Variants in EPCAM observed in about 807,000 individuals in gnomAD.
EPCAM encodes epithelial cell adhesion molecule.
EPCAM carries 39 observed loss-of-function variants against 40.0 expected under a neutral mutation model. That is an observed-to-expected ratio of 0.98 (90% CI 0.76 to 1.27). The LOEUF (loss-of-function observed/expected upper bound fraction) is 1.27. Among genes scored for constraint, EPCAM ranks in the 50% most tolerant of loss-of-function variants. EPCAM has a pLI of 0.00. For missense variants in EPCAM, 503 were observed against 381.2 expected (o/e 1.32, Z -2.66); for synonymous variants, 168 against 132.3 (o/e 1.27, Z -1.85).
At chr2:47,371,215 T>G (rs1017705198) in intron 1 of EPCAM, among the ~76,000 whole-genome samples, 1 of 152,192 alleles carries the variant, frequency 6.6e-6, no homozygotes, top group Non-Finnish European at 1.5e-5. Context: ...GTAGTTTGAT[T>G]TCAGTTTCTC....
chr2:47,379,000 A>G lies in EPCAM; in HGVS notation c.603A>G (p.Gln201=), dbSNP rs730882126. ...ITIDLVQNSS[Q]KTQNDVDIAD... is the part of the protein sequence containing the mutation. ...TTGATCTGGTTCAAAATTCTTCTCA[A>G]AAAACTCAGAATGATGTGGACATAG... is the stretch of plus-strand genomic sequence containing the variant. The change falls in exon 6 of 9, where the codon CAA becomes CAG. Residue 201 remains glutamine (Q), a synonymous_variant. Coordinates refer to ENST00000263735, the MANE Select transcript of EPCAM (RefSeq NM_002354.3). 5 of 1,606,006 alleles carry G rather than the reference A, an allele frequency of 3.1e-6. No individual in the cohort carries two copies. The highest frequency in any genetic ancestry group is 3.4e-6 in the Non-Finnish European group (4 of 1,172,732).
At position 47,375,268 on chromosome 2, in the gene EPCAM, G is replaced by C. The variant is rs1423442415; in HGVS notation, c.460G>C (p.Glu154Gln). The C allele has an allele frequency of 1.2e-5, 19 of 1,612,390 alleles. No individual in the cohort carries two copies. The highest frequency in any genetic ancestry group is 1.5e-5 in the Non-Finnish European group (18 of 1,178,698). ...CATTGAACTAAAACACAAAGCAAGAGAAAAACCTTATGATAGTAAAAGTTT... is the reference window on the plus strand; with the variant it reads ...CATTGAACTAAAACACAAAGCAAGACAAAAACCTTATGATAGTAAAAGTTT... ...IIIELKHKAR[E>Q]KPYDSKSLRT... Residue 154 changes from glutamate to glutamine, a missense_variant, in exon 4 of 9, where the codon GAA (glutamate) becomes CAA (glutamine). Glu to Gln is a conservative substitution (Grantham distance 29). Transcript: ENST00000263735.
At chr2:47,376,157 CCTTT>C (rs1352566724) in intron 4 of EPCAM, among the ~76,000 whole-genome samples, 3 of 151,698 alleles carry the variant, frequency 2.0e-5, no homozygotes, top group Admixed American at 6.6e-5. Context: ...AGTTTCTTGG[CCTTT>C]CTTTGTCTTC....
intron 1 of EPCAM, among the ~76,000 whole-genome samples, chr2:47,369,994 G>A (rs1671207534): frequency 6.6e-6 from 1 of 152,200 alleles, no homozygotes; most frequent in Non-Finnish European, 1.5e-5. Flanking sequence ...GGGACCAGCG[G>A]GCTCGCCCTT....
intron 7 of EPCAM, chr2:47,383,214 G>C (rs1347203901): frequency 1.3e-5 from 2 of 151,698 alleles, no homozygotes; most frequent in South Asian, 4.2e-4. Flanking sequence ...GCTGAGGCAG[G>C]AGAATGGCGT....
chr2:47,369,961 C>T (rs1307804076), intron 1 of EPCAM, among the ~76,000 whole-genome samples: 2 of 152,354 alleles, frequency 1.3e-5, no homozygotes, highest in Middle Eastern at 3.4e-3. Flanking sequence ...ACAGCCCCAG[C>T]CGGTGGCGGA....
chr2:47,371,054 A>G (rs1415768218), intron 1 of EPCAM, among the ~76,000 whole-genome samples: 1 of 152,108 alleles, frequency 6.6e-6, no homozygotes, highest in Admixed American at 6.6e-5. Context: ...TATGTTGCCC[A>G]GGCTGGTCTC....
chr2:47,385,008 A>T (rs574332911), intron 7 of EPCAM, among the ~76,000 whole-genome samples, 158 bp from the exon 8 acceptor site: 1 of 152,328 alleles, frequency 6.6e-6, no homozygotes, highest in South Asian at 2.1e-4. Flanking sequence ...CACTGGTGTG[A>T]AATTTTTAAT....
At position 47,386,730 on chromosome 2, in the gene EPCAM, A is replaced by G. The variant is rs551044912; in HGVS notation, c.*117A>G. ...CATGAGTTTGTTAGTTTAACATCAT[A>G]TATTTGTAATAGTGAAACCTGTACT... On this transcript the variant is annotated 3_prime_UTR_variant, in exon 9 of 9. Transcript: ENST00000263735. 7.5e-6 allele frequency: 6 copies of G among 804,900 alleles called. No homozygotes were observed. Among genetic ancestry groups the G allele is most frequent in the South Asian group, 4.8e-5 (3 of 62,244 alleles). The allele number at this position is 804,900 out of a possible 1,614,324, so 49.9% of individuals were successfully genotyped here.
intron 1 of EPCAM, chr2:47,369,946 C>T (rs1402052994): frequency 1.0e-5 from 4 of 381,158 alleles, no homozygotes; most frequent in East Asian, 5.9e-5. Context: ...ACTTGGGGTT[C>T]CAAAACAGCC....
In EPCAM at chr2:47,373,573, G is replaced by A. The variant is rs376841971; in HGVS notation, c.184+3G>A. 2.2e-5 allele frequency: 35 copies of A among 1,597,190 alleles called. No homozygotes were observed. The South Asian group carries it at 3.0e-4, about 14-fold the overall frequency. ...AAATACTGTCATTTGCTCAAAGCGT[G>A]AGTAAAATATCCTAATTACCTGTAA... On this transcript the variant is annotated splice_donor_region_variant and intron_variant, in intron 2 of 8. Coordinates refer to ENST00000263735, the MANE Select transcript of EPCAM (RefSeq NM_002354.3).
intron 3 of EPCAM, among the ~76,000 whole-genome samples, 183 bp from the exon 4 acceptor site, chr2:47,375,051 G>C (rs1005198592): frequency 6.6e-6 from 1 of 152,164 alleles, no homozygotes; most frequent in South Asian, 2.1e-4. Flanking sequence ...TATTAGAAAA[G>C]GTGTTCCCTC....
chr2:47,369,691 C>G, intron 1 of EPCAM, 110 bp downstream of exon 1: 1 of 1,147,326 alleles, frequency 8.7e-7, no homozygotes, highest in Non-Finnish European at 1.3e-6. Flanking sequence ...CAAGAGGCCG[C>G]GCTTTCCAGC....
At chr2:47,369,980 G>A (rs1405286079) in intron 1 of EPCAM, among the ~76,000 whole-genome samples, 1 of 152,182 alleles carries the variant, frequency 6.6e-6, no homozygotes, top group African/African-American at 2.4e-5. Flanking sequence ...GAGTCTTTAC[G>A]ACAGGGACCA....
rs554136560 is a variant in EPCAM, at chr2:47,370,217, C to T, written c.76+636C>T. ...CGTAAAGAGTAAAAACATATAATCC[C>T]AGCATTTTGAGAATCCCATAATTAG... is the stretch of plus-strand genomic sequence containing the variant. On this transcript the variant is annotated intron_variant, in intron 1 of 8. Coordinates refer to ENST00000263735, the MANE Select transcript of EPCAM (RefSeq NM_002354.3). Among the ~76,000 whole-genome samples, 16 of 152,324 alleles carry T rather than the reference C, an allele frequency of 1.1e-4. No homozygotes were observed. In the South Asian group the frequency reaches 2.7e-3, roughly 26 times the overall value.
intron 8 of EPCAM, 144 bp from the exon 9 acceptor site, chr2:47,386,428 T>G (rs1671743770): frequency 3.2e-6 from 2 of 623,944 alleles, no homozygotes; most frequent in Non-Finnish European, 5.4e-6. Context: ...AACTTTTTCT[T>G]TTTTTATTTA....
intron 7 of EPCAM, among the ~76,000 whole-genome samples, chr2:47,381,845 C>A (rs182044625): frequency 3.3e-5 from 5 of 152,232 alleles, no homozygotes; most frequent in Admixed American, 3.3e-4. Flanking sequence ...TAACTCACTG[C>A]AACCTCCAAT....
intron 7 of EPCAM, 50 bp from the exon 8 acceptor site, chr2:47,385,116 C>A (rs1378531123): frequency 1.4e-6 from 2 of 1,413,374 alleles, no homozygotes; most frequent in Admixed American, 1.7e-5. Context: ...TTTAGATAAT[C>A]TTTTTTTGAA....
Position 47,379,935 on chromosome 2 carries a change from T to C in EPCAM, c.824T>C (p.Val275Ala). The C allele has an allele frequency of 1.2e-6, 2 of 1,613,824 alleles. No homozygotes were observed. Among genetic ancestry groups the C allele is most frequent in the South Asian group, 1.1e-5 (1 of 91,052 alleles). ...KAGVIAVIVV[V>A]VIAVVAGIVV... ...GGTGTTATTGCTGTTATTGTGGTTG[T>C]GGTGATAGCAGTTGTTGCTGGAATT... Residue 275 changes from valine (V) to alanine (A), a missense_variant, in exon 7 of 9, where the codon GTG (valine) becomes GCG (alanine). Transcript: ENST00000263735.
Sources: allele counts gnomAD v4.1 joint callset (sites outside exome capture counted in the v4.1 genomes callset), GRCh38; gene constraint gnomAD v4.1.1; transcripts MANE v1.5; gene names NCBI Gene and HGNC (gene_info 2026-07-23, HGNC 2026-07-21).